Variants in SND1 observed in about 807,000 individuals in gnomAD.
The protein encoded by SND1 is staphylococcal nuclease domain-containing protein 1.
In SND1, 38 loss-of-function variants were observed where a neutral mutation model predicts 121.7. That is an observed-to-expected ratio of 0.31 (90% confidence interval 0.24 to 0.41). The LOEUF (loss-of-function observed/expected upper bound fraction) is 0.41. Among genes scored for constraint, SND1 ranks in the 10% least tolerant of loss-of-function variants. The pLI is 1.00. For missense variants in SND1, 868 were observed against 1,184.6 expected (o/e 0.73, Z 3.92); for synonymous variants, 401 against 447.4 (o/e 0.90, Z 1.31).
intron 16 of SND1, among the ~76,000 whole-genome samples, chr7:128,041,696 T>A (rs1382616427): frequency 2.0e-5 from 3 of 152,172 alleles, no homozygotes; most frequent in African/African-American, 7.2e-5. Context: ...TCTCTCACAT[T>A]TACATACTGA....
At chr7:127,982,171 T>C (rs1041733358) in intron 15 of SND1, among the ~76,000 whole-genome samples, 7 of 152,250 alleles carry the variant, frequency 4.6e-5, no homozygotes, top group African/African-American at 1.7e-4. Flanking sequence ...ACTTCCTGTC[T>C]GTAGATGCTT....
At chr7:127,985,697 T>C (rs1802371851) in intron 15 of SND1, among the ~76,000 whole-genome samples, 1 of 152,252 alleles carries the variant, frequency 6.6e-6, no homozygotes, top group Admixed American at 6.5e-5. Flanking sequence ...GTTTTCATCA[T>C]TGAATCCTCA....
At chr7:127,779,498 C>G (rs1164709009) in intron 10 of SND1, among the ~76,000 whole-genome samples, 1 of 152,214 alleles carries the variant, frequency 6.6e-6, no homozygotes, top group Non-Finnish European at 1.5e-5. Context: ...TGGCCATATT[C>G]CCATGGTGTG....
intron 21 of SND1, among the ~76,000 whole-genome samples, chr7:128,088,446 CTTTTTTTTTT>C (rs1047161140): frequency 2.5e-5 from 2 of 80,112 alleles, no homozygotes; most frequent in Non-Finnish European, 4.6e-5. Flanking sequence ...CCCTATCTCT[CTTTTTTTTTT>C]TTTTTTTTTT....
chr7:127,729,439 CTTTTT>C (rs10712716), intron 10 of SND1, among the ~76,000 whole-genome samples: 2 of 97,328 alleles, frequency 2.1e-5, no homozygotes, highest in Non-Finnish European at 4.2e-5. Flanking sequence ...AGATAAATTA[CTTTTT>C]TTTTTTTTTT....
chr7:127,834,269 A>C (rs1340919024), intron 11 of SND1, among the ~76,000 whole-genome samples: 1 of 152,200 alleles, frequency 6.6e-6, no homozygotes, highest in African/African-American at 2.4e-5. Context: ...TGGAAAGCTA[A>C]GCAATATTTT....
At chr7:127,868,678 G>A (rs151325364) in intron 12 of SND1, among the ~76,000 whole-genome samples, 1 of 152,276 alleles carries the variant, frequency 6.6e-6, no homozygotes, top group Admixed American at 6.5e-5. Context: ...GACTTAAAAG[G>A]TAAATGTCTT....
At chr7:127,995,932 G>A (rs1802642118) in intron 16 of SND1, among the ~76,000 whole-genome samples, 1 of 152,132 alleles carries the variant, frequency 6.6e-6, no homozygotes, top group Admixed American at 6.5e-5. Flanking sequence ...TGTCCTTTCT[G>A]ACACATTAGA....
chr7:127,718,610 CAG>C lies in SND1; in HGVS notation c.1039-2670_1039-2669del, dbSNP rs937633172. Reference sequence around the variant, plus strand: ...TTCTAATCAGGGAGATGCTGAGCAGCAGAGAGAGTCTGCTGCTGGGGCCTAAA... The same window carrying C: ...TTCTAATCAGGGAGATGCTGAGCAGCAGAGAGTCTGCTGCTGGGGCCTAAA... On this transcript the variant is annotated intron_variant, in intron 9 of 23. Coordinates refer to ENST00000354725, the MANE Select transcript of SND1 (RefSeq NM_014390.4). 1.6e-5 allele frequency: 16 copies of C among 985,366 alleles called. No individual in the cohort carries two copies. In the Middle Eastern group the frequency reaches 1.6e-3, roughly 97 times the overall value. 61.0% of individuals were successfully genotyped at this position (985,366 alleles called of 1,614,324 possible).
chr7:127,841,181 C>T (rs1798958701), intron 11 of SND1, among the ~76,000 whole-genome samples: 1 of 152,136 alleles, frequency 6.6e-6, no homozygotes, highest in Non-Finnish European at 1.5e-5. Flanking sequence ...TTCCTCTGTG[C>T]TAAACAGCTG....
chr7:127,656,672 C>T (rs1455443248), intron 1 of SND1, among the ~76,000 whole-genome samples: 1 of 152,144 alleles, frequency 6.6e-6, no homozygotes, highest in African/African-American at 2.4e-5. Flanking sequence ...TTGACCTGCT[C>T]GTTCTTACGT....
intron 1 of SND1, among the ~76,000 whole-genome samples, chr7:127,684,043 C>T (rs983886565): frequency 6.6e-6 from 1 of 152,062 alleles, no homozygotes; most frequent in African/African-American, 2.4e-5. Flanking sequence ...CCCAGGGATC[C>T]GGTTTACTAG....
chr7:128,074,402 T>C, intron 16 of SND1, 100 bp from the exon 17 acceptor site: 1 of 1,275,066 alleles, frequency 7.8e-7, no homozygotes, highest in Non-Finnish European at 1.1e-6. Context: ...TGCCAAGGCC[T>C]GTGAGCCCAA....
At chr7:128,064,856 G>T (rs577881126) in intron 16 of SND1, among the ~76,000 whole-genome samples, 4 of 152,204 alleles carry the variant, frequency 2.6e-5, no homozygotes, top group Non-Finnish European at 4.4e-5. Context: ...AGGAAAGGGG[G>T]TGCTTGACTT....
intron 16 of SND1, among the ~76,000 whole-genome samples, chr7:127,995,876 A>C (rs1444280395): frequency 6.6e-6 from 1 of 152,198 alleles, no homozygotes; most frequent in Non-Finnish European, 1.5e-5. Context: ...GGGGCAATGT[A>C]TGTGGGTTTG....
At chr7:128,076,185 G>A (rs1185104669) in intron 17 of SND1, among the ~76,000 whole-genome samples, 1 of 152,160 alleles carries the variant, frequency 6.6e-6, no homozygotes, top group African/African-American at 2.4e-5. Context: ...AGCACAGGGA[G>A]GGGACTCTGG....
At chr7:127,885,679 G>A (rs1799891724) in intron 12 of SND1, among the ~76,000 whole-genome samples, 1 of 152,064 alleles carries the variant, frequency 6.6e-6, no homozygotes, top group Non-Finnish European at 1.5e-5. Context: ...ATTAACTGGG[G>A]TGGATCATTA....
At chr7:127,834,737 G>A (rs868143668) in intron 11 of SND1, among the ~76,000 whole-genome samples, 16 of 152,276 alleles carry the variant, frequency 1.1e-4, no homozygotes, top group East Asian at 3.9e-4. Context: ...AGTCATTGGC[G>A]TGTATTCCTA....
At chr7:127,872,628 GCACACACA>G (rs56324746) in intron 12 of SND1, among the ~76,000 whole-genome samples, 1,653 of 139,924 alleles carry the variant, frequency 0.012, 14 homozygotes, top group African/African-American at 0.017. Context: ...TAACACACAC[GCACACACA>G]CACACACACA....
Sources: allele counts gnomAD v4.1 joint callset (sites outside exome capture counted in the v4.1 genomes callset), GRCh38; gene constraint gnomAD v4.1.1; transcripts MANE v1.5; gene names NCBI Gene and HGNC (gene_info 2026-07-23, HGNC 2026-07-21).